The following ADARB2 variants were observed in gnomAD, a reference collection of about 807,000 sequenced individuals.
ADARB2 encodes adenosine deaminase RNA specific B2 (inactive).
Under a neutral mutation model 62.2 loss-of-function variants are expected in ADARB2, and 25 were observed. The observed-to-expected ratio is 0.40, with a 90% CI of 0.29 to 0.56. The LOEUF (loss-of-function observed/expected upper bound fraction) is 0.56. ADARB2 is among the 20% of genes least tolerant of loss of function. The probability of loss-of-function intolerance (pLI) is 0.43; values close to 1 mark genes in which losing one functional copy is unlikely to be tolerated. For missense variants in ADARB2, 1,071 were observed against 1,077.4 expected (o/e 0.99, Z 0.08); for synonymous variants, 572 against 500.8 (o/e 1.14, Z -1.90).
chr10:1,430,082 C>T (rs4880506), intron 1 of ADARB2, among the ~76,000 whole-genome samples: 3,052 of 152,174 alleles, frequency 0.02, 44 homozygotes, highest in Non-Finnish European at 0.028. Flanking sequence ...AGGATACTTA[C>T]GACAATTGGA....
chr10:1,696,922 C>A (rs1834753731), intron 1 of ADARB2, among the ~76,000 whole-genome samples: 1 of 152,150 alleles, frequency 6.6e-6, no homozygotes, highest in South Asian at 2.1e-4. Context: ...CTTTGAATGC[C>A]CAACACAAAT....
chr10:1,637,880 T>C (rs868136014), intron 1 of ADARB2, among the ~76,000 whole-genome samples: 3 of 152,226 alleles, frequency 2.0e-5, no homozygotes, highest in Admixed American at 2.0e-4. Flanking sequence ...TCAGGGGTGC[T>C]GAATGGAAAA....
chr10:1,335,900 A>G (rs1831971384), intron 3 of ADARB2, among the ~76,000 whole-genome samples: 1 of 152,218 alleles, frequency 6.6e-6, no homozygotes, highest in African/African-American at 2.4e-5. Context: ...GTGTCTTCAC[A>G]CTGAATTTGG....
intron 1 of ADARB2, among the ~76,000 whole-genome samples, chr10:1,400,653 T>C (rs1333324151): frequency 3.3e-5 from 5 of 152,172 alleles, no homozygotes; most frequent in Non-Finnish European, 5.9e-5. Context: ...GTGCTCCTCC[T>C]CTGGGTGGGG....
intron 1 of ADARB2, among the ~76,000 whole-genome samples, chr10:1,722,507 A>T (rs890414955): frequency 6.6e-6 from 1 of 152,234 alleles, no homozygotes; most frequent in Non-Finnish European, 1.5e-5. Flanking sequence ...GTAAATCTAC[A>T]TGCCCGGTAA....
At chr10:1,455,596 T>A (rs1831086479) in intron 1 of ADARB2, among the ~76,000 whole-genome samples, 1 of 152,254 alleles carries the variant, frequency 6.6e-6, no homozygotes, top group South Asian at 2.1e-4. Flanking sequence ...GTTTAATGTG[T>A]TCGATCCAGT....
At chr10:1,643,050 G>A (rs1045439306) in intron 1 of ADARB2, among the ~76,000 whole-genome samples, 1 of 152,206 alleles carries the variant, frequency 6.6e-6, no homozygotes, top group Non-Finnish European at 1.5e-5. Context: ...ATAAACAGGA[G>A]GTAGGCACAC....
chr10:1,569,142 G>C (rs375697487), intron 1 of ADARB2, among the ~76,000 whole-genome samples: 1 of 146,984 alleles, frequency 6.8e-6, no homozygotes, highest in Non-Finnish European at 1.5e-5. Context: ...GAGAGAGACA[G>C]AGAGTCAGAG....
intron 1 of ADARB2, among the ~76,000 whole-genome samples, chr10:1,572,843 C>A (rs987171936): frequency 6.6e-6 from 1 of 152,164 alleles, no homozygotes; most frequent in Non-Finnish European, 1.5e-5. Flanking sequence ...TGCTTCTGGG[C>A]CCCCAAATGC....
Position 1,277,418 on chromosome 10 carries a change from G to T in ADARB2, c.1078-6349C>A, listed in dbSNP as rs536123895. ...TAGATGCAATAAAAAATGATAAAGGGGATATCACCACCAGTCCCACAGAAA... is the reference window on the plus strand; with the variant it reads ...TAGATGCAATAAAAAATGATAAAGGTGATATCACCACCAGTCCCACAGAAA... On this transcript the variant is annotated intron_variant, in intron 3 of 9. Transcript: ENST00000381312. Among the ~76,000 whole-genome samples, 3 of 152,110 alleles carry T rather than the reference G, an allele frequency of 2.0e-5. No homozygotes were observed. The East Asian group carries it at 5.8e-4, about 29-fold the overall frequency.
intron 1 of ADARB2, among the ~76,000 whole-genome samples, chr10:1,574,870 A>G (rs888475905): frequency 6.6e-6 from 1 of 152,168 alleles, no homozygotes; most frequent in African/African-American, 2.4e-5. Flanking sequence ...AGGAGGGGCT[A>G]TGTTGGCAGA....
At chr10:1,187,876 G>A in intron 8 of ADARB2, 1 of 421,850 alleles carries the variant, frequency 2.4e-6, no homozygotes. Flanking sequence ...GTCCATATGT[G>A]CACAGGGAGG....
intron 4 of ADARB2, among the ~76,000 whole-genome samples, chr10:1,264,946 A>C (rs376197309): frequency 6.6e-6 from 1 of 152,250 alleles, no homozygotes. Flanking sequence ...TAGACTAGCA[A>C]AAATTTAAAC....
intron 1 of ADARB2, among the ~76,000 whole-genome samples, chr10:1,506,626 T>C (rs1831856225): frequency 6.6e-6 from 1 of 152,256 alleles, no homozygotes; most frequent in Non-Finnish European, 1.5e-5. Flanking sequence ...GGGTCTCATG[T>C]GGCTGTCCAC....
chr10:1,243,558 G>A (rs1830948240), intron 4 of ADARB2, among the ~76,000 whole-genome samples: 1 of 152,212 alleles, frequency 6.6e-6, no homozygotes. Flanking sequence ...TGAGCCCTGA[G>A]GGCATCTGCC....
intron 1 of ADARB2, among the ~76,000 whole-genome samples, chr10:1,454,171 C>A (rs2131903697): frequency 6.6e-6 from 1 of 152,164 alleles, no homozygotes; most frequent in East Asian, 1.9e-4. Context: ...AGGGGAACTG[C>A]CCTTTATTAA....
At chr10:1,219,129 T>C (rs1391531973) in intron 6 of ADARB2, among the ~76,000 whole-genome samples, 1 of 151,388 alleles carries the variant, frequency 6.6e-6, no homozygotes, top group Non-Finnish European at 1.5e-5. Context: ...CTTTCTGCCA[T>C]GATTGTGAGC....
At chr10:1,481,737 A>G (rs544099039) in intron 1 of ADARB2, among the ~76,000 whole-genome samples, 93 of 152,010 alleles carry the variant, frequency 6.1e-4, no homozygotes, top group Non-Finnish European at 9.3e-4. Flanking sequence ...GGTGCCTGTA[A>G]TCCCAGCTAC....
intron 3 of ADARB2, among the ~76,000 whole-genome samples, chr10:1,327,157 TCACAGTTTAGTGCCTGCC>T (rs1831867626): frequency 2.1e-5 from 1 of 47,770 alleles, no homozygotes; most frequent in Admixed American, 1.8e-4. Context: ...CAGTGCCTCG[TCACAGTTTAGTGCCTGCC>T]CACAGTTCAG....
Sources: gnomAD v4.1 joint callset for allele counts (sites outside exome capture counted in the v4.1 genomes callset) on GRCh38, gnomAD v4.1.1 for gene constraint, MANE v1.5 for transcripts, NCBI Gene and HGNC (gene_info 2026-07-23, HGNC 2026-07-21) for gene names.